The following KPNA5 variants were observed in gnomAD, a reference collection of about 807,000 sequenced individuals.
KPNA5 encodes importin subunit alpha-6.
In KPNA5, 46 loss-of-function variants were observed where a neutral mutation model predicts 71.3. That is an observed-to-expected ratio of 0.65 (90% CI 0.51 to 0.83). The LOEUF is 0.83. KPNA5 is among the 40% of genes least tolerant of loss of function. The probability of loss-of-function intolerance (pLI) is 0.00; values close to 1 mark genes in which losing one functional copy is unlikely to be tolerated. For missense variants in KPNA5, 547 were observed against 628.3 expected (o/e 0.87, Z 1.38); for synonymous variants, 207 against 201.4 (o/e 1.03, Z -0.24).
intron 12 of KPNA5, among the ~76,000 whole-genome samples, chr6:116,727,704 A>G (rs1779338909): frequency 6.6e-6 from 1 of 152,092 alleles, no homozygotes; most frequent in African/African-American, 2.4e-5. Context: ...TATTATTAAT[A>G]ACTAATAGAT....
At chr6:116,727,315 A>G (rs1779326094) in intron 12 of KPNA5, among the ~76,000 whole-genome samples, 1 of 151,992 alleles carries the variant, frequency 6.6e-6, no homozygotes, top group Admixed American at 6.6e-5. Flanking sequence ...TCAGCCTTCC[A>G]TATCCTTGGG....
At chr6:116,709,044 C>T (rs1778552645) in intron 7 of KPNA5, among the ~76,000 whole-genome samples, 1 of 151,960 alleles carries the variant, frequency 6.6e-6, no homozygotes, top group South Asian at 2.1e-4. Flanking sequence ...CCCTTGACCT[C>T]CCAAAACTCT....
chr6:116,703,808 G>A (rs1269563579), intron 6 of KPNA5, among the ~76,000 whole-genome samples: 1 of 152,074 alleles, frequency 6.6e-6, no homozygotes, highest in Non-Finnish European at 1.5e-5. Flanking sequence ...GTCTACTTTT[G>A]TACTAACATG....
At chr6:116,711,658 T>G (rs1279183937) in intron 7 of KPNA5, among the ~76,000 whole-genome samples, 1 of 152,154 alleles carries the variant, frequency 6.6e-6, no homozygotes, top group African/African-American at 2.4e-5. Context: ...ATTCCATTGT[T>G]GTCAGAGAAG....
At chr6:116,713,656 C>T (rs1432337537) in intron 7 of KPNA5, among the ~76,000 whole-genome samples, 3 of 152,018 alleles carry the variant, frequency 2.0e-5, no homozygotes, top group Non-Finnish European at 4.4e-5. Context: ...CTTGGATTTC[C>T]ATTATGCATA....
chr6:116,681,808 T>A (rs758994353), intron 1 of KPNA5, among the ~76,000 whole-genome samples: 7 of 152,238 alleles, frequency 4.6e-5, no homozygotes, highest in Non-Finnish European at 8.8e-5. Context: ...TCCACCTGCG[T>A]GCAGGTGCCT....
chr6:116,698,816 T>C lies in KPNA5; in HGVS notation c.435+18T>C. On this transcript the variant is annotated intron_variant, in intron 5 of 13. Coordinates refer to ENST00000368564, the MANE Select transcript of KPNA5 (RefSeq NM_001366306.2). ...CTTTACAAGTGAGTCTAAAGTTTTCTTTCTTAATTTTTCTCTAGAAATGAC... is the reference window on the plus strand; with the variant it reads ...CTTTACAAGTGAGTCTAAAGTTTTCCTTCTTAATTTTTCTCTAGAAATGAC... 7.4e-7 allele frequency: 1 copy of C among 1,343,762 alleles called. No homozygotes were observed. The highest frequency in any genetic ancestry group is 2.4e-5 in the East Asian group (1 of 41,382). The allele number at this position is 1,343,762 out of a possible 1,614,324, so 83.2% of individuals were successfully genotyped here. A position where few individuals can be genotyped will look rare whatever the true frequency, so the allele number is the denominator to read the frequency against.
intron 9 of KPNA5, among the ~76,000 whole-genome samples, chr6:116,724,069 C>T (rs746805913): frequency 6.6e-6 from 1 of 151,988 alleles, no homozygotes; most frequent in African/African-American, 2.4e-5. Flanking sequence ...ATGGCAAAAT[C>T]ATGAAAATTA....
intron 5 of KPNA5, among the ~76,000 whole-genome samples, chr6:116,700,780 C>T (rs1333334694): frequency 6.6e-6 from 1 of 152,132 alleles, no homozygotes; most frequent in Non-Finnish European, 1.5e-5. Context: ...GAGGTGTTGG[C>T]ACTGTTGTCA....
chr6:116,689,311 T>G lies in KPNA5; in HGVS notation c.5-9T>G, dbSNP rs920593422. The G allele has an allele frequency of 6.3e-7, 1 of 1,597,708 alleles. No homozygotes were observed. The highest frequency in any genetic ancestry group is 8.5e-7 in the Non-Finnish European group (1 of 1,175,808). On this transcript the variant is annotated splice_polypyrimidine_tract_variant and intron_variant, in intron 1 of 13. Transcript: ENST00000368564. ...ATCAGTGTCTGTTTTCTTTTCTCCT[T>G]CCTTTAAGATGCCATGGCTAGTCCA...
intron 8 of KPNA5, among the ~76,000 whole-genome samples, chr6:116,721,479 G>A (rs1449074814): frequency 4.6e-5 from 7 of 152,114 alleles, no homozygotes; most frequent in African/African-American, 1.7e-4. Flanking sequence ...TGAGGAGAAA[G>A]ACTAAGGGAT....
Position 116,732,151 on chromosome 6 carries a change from A to G in KPNA5, c.1448A>G (p.Glu483Gly). 6.9e-7 allele frequency: 1 copy of G among 1,450,088 alleles called. No individual in the cohort carries two copies. Among genetic ancestry groups the G allele is most frequent in the Non-Finnish European group, 9.2e-7 (1 of 1,081,356 alleles). The allele number at this position is 1,450,088 out of a possible 1,614,324, so 89.8% of individuals were successfully genotyped here. A position where few individuals can be genotyped will look rare whatever the true frequency, so the allele number is the denominator to read the frequency against. ...IEEAYGLDKI[E>G]FLQSHENQEI... ...TGTATAACAGGTCTGGATAAAATTGAGTTTTTGCAAAGCCATGAAAATCAG... is the reference window on the plus strand; with the variant it reads ...TGTATAACAGGTCTGGATAAAATTGGGTTTTTGCAAAGCCATGAAAATCAG... Residue 483 changes from glutamate (E) to glycine (G), a missense_variant, in exon 14 of 14, where the codon GAG (glutamate) becomes GGG (glycine). Physicochemically the swap from Glu to Gly is moderately conservative, Grantham distance 98. Transcript: ENST00000368564.
Position 116,724,774 on chromosome 6 carries a change from AATTT to A in KPNA5, c.999+416_999+419del, listed in dbSNP as rs547339526. Among the ~76,000 whole-genome samples the A allele has an allele frequency of 6.3e-3, 961 of 151,850 alleles. 10 individuals carry two copies. Among genetic ancestry groups the A allele is most frequent in the African/African-American group, 0.022 (907 of 41,420 alleles). On this transcript the variant is annotated intron_variant, in intron 10 of 13. Transcript: ENST00000368564. ...CAGGTGTGCACCACCACACCTGGCTAATTTATTTATTTATTTATTTTTTAGGGAC... is the reference window on the plus strand; with the variant it reads ...CAGGTGTGCACCACCACACCTGGCTAATTTATTTATTTATTTTTTAGGGAC...
chr6:116,722,220 A>G lies in KPNA5; in HGVS notation c.851A>G (p.Asp284Gly), dbSNP rs1488451976. The G allele has an allele frequency of 1.9e-6, 3 of 1,613,282 alleles. No individual in the cohort carries two copies. The highest frequency in any genetic ancestry group is 8.5e-7 in the Non-Finnish European group (1 of 1,179,510). ...DVCWALSYLS[D>G]GPNDKIQAVI... is the part of the protein sequence containing the mutation. ...TGTTGGGCCCTTTCTTATCTCTCCG[A>G]TGGACCCAATGATAAAATTCAAGCA... Residue 284 changes from aspartate to glycine, a missense_variant, in exon 9 of 14, where the codon GAT becomes GGT. Transcript: ENST00000368564.
chr6:116,706,906 G>A (rs2114430178), intron 7 of KPNA5, among the ~76,000 whole-genome samples: 1 of 152,260 alleles, frequency 6.6e-6, no homozygotes, highest in South Asian at 2.1e-4. Context: ...GCTCACGCCT[G>A]TAATCCCAGC....
At chr6:116,723,272 A>T (rs965659492) in intron 9 of KPNA5, among the ~76,000 whole-genome samples, 10 of 152,232 alleles carry the variant, frequency 6.6e-5, no homozygotes, top group Non-Finnish European at 1.2e-4. Context: ...GTGTGAACTC[A>T]TGGCTCTTAA....
intron 3 of KPNA5, 32 bp from the exon 4 acceptor site, chr6:116,692,261 A>G: frequency 1.4e-6 from 2 of 1,458,036 alleles, no homozygotes; most frequent in Non-Finnish European, 1.9e-6. Context: ...AAATATGTAA[A>G]TGTTAATTAT....
rs1433649888 is a variant in KPNA5 at position 116,692,357 on chromosome 6, C to T, written c.305C>T (p.Thr102Ile). ...IFSNNADQQL[T>I]ATQKFRKLLS... ...TCTAATAATGCTGATCAACAGCTAA[C>T]AGCAACACAGAAATTTAGAAAGCTG... is the stretch of plus-strand genomic sequence containing the variant. Residue 102 changes from threonine (T) to isoleucine (I), a missense_variant, in exon 4 of 14, where the codon ACA becomes ATA. Thr to Ile is a moderately conservative substitution (Grantham distance 89). Transcript: ENST00000368564. 6.2e-7 allele frequency: 1 copy of T among 1,604,546 alleles called. No homozygotes were observed.
At chr6:116,689,263 A>G in intron 1 of KPNA5, 57 bp from the exon 2 acceptor site, 1 of 1,556,112 alleles carries the variant, frequency 6.4e-7, no homozygotes, top group Non-Finnish European at 8.7e-7. Context: ...TAAGTGTCTC[A>G]TGTTGTTTTG....
Sources: allele counts gnomAD v4.1 joint callset (sites outside exome capture counted in the v4.1 genomes callset), GRCh38; gene constraint gnomAD v4.1.1; transcripts MANE v1.5; gene names NCBI Gene and HGNC (gene_info 2026-07-23, HGNC 2026-07-21).